Variants in SLIT3 observed in about 807,000 individuals in gnomAD.
SLIT3 encodes the protein slit homolog 3 protein.
Under a neutral mutation model 184.0 loss-of-function variants are expected in SLIT3, and 68 were observed. That is an observed-to-expected ratio of 0.37 (90% confidence interval 0.30 to 0.45). The LOEUF is 0.45. Among genes scored for constraint, SLIT3 ranks in the 20% least tolerant of loss-of-function variants. The pLI is 1.00. For missense variants in SLIT3, 1,707 were observed against 2,026.0 expected (o/e 0.84, Z 3.02); for synonymous variants, 831 against 828.6 (o/e 1.00, Z -0.05).
chr5:169,267,491 C>T (rs1052977179), intron 1 of SLIT3, among the ~76,000 whole-genome samples: 1 of 152,174 alleles, frequency 6.6e-6, no homozygotes, highest in African/African-American at 2.4e-5. Context: ...TCTTTATTGA[C>T]AGTTTTAACT....
At chr5:168,796,293 G>A (rs1454231897) in intron 9 of SLIT3, among the ~76,000 whole-genome samples, 2 of 152,216 alleles carry the variant, frequency 1.3e-5, no homozygotes, top group Admixed American at 6.5e-5. Flanking sequence ...TGCAGGCCCA[G>A]GGCCCAGAAC....
intron 2 of SLIT3, among the ~76,000 whole-genome samples, chr5:169,251,073 G>C (rs898003563): frequency 6.6e-6 from 1 of 152,196 alleles, no homozygotes; most frequent in Non-Finnish European, 1.5e-5. Flanking sequence ...CTCTATGAAA[G>C]GGAAGCATGG....
chr5:168,763,295 G>C (rs1017847678), intron 14 of SLIT3, among the ~76,000 whole-genome samples: 1 of 152,146 alleles, frequency 6.6e-6, no homozygotes, highest in African/African-American at 2.4e-5. Context: ...AAGACAACGA[G>C]GGTTGGGAAC....
At chr5:168,826,567 A>C (rs1175449257) in intron 6 of SLIT3, among the ~76,000 whole-genome samples, 1 of 152,208 alleles carries the variant, frequency 6.6e-6, no homozygotes, top group Non-Finnish European at 1.5e-5. Flanking sequence ...TGGCTCTGCC[A>C]CTTACAGCCT....
chr5:169,162,845 T>G lies in SLIT3; in HGVS notation c.413+30634A>C, dbSNP rs1434597392. Among the ~76,000 whole-genome samples the G allele has an allele frequency of 2.6e-5, 4 of 152,196 alleles. No homozygotes were observed. In the East Asian group the frequency reaches 7.7e-4, roughly 29 times the overall value. ...AGTTGCTAAATGGCCAGGGTCATCA[T>G]TAAGATCTGTCAGCCAGGTGATACA... On this transcript the variant is annotated intron_variant, in intron 4 of 35. Transcript: ENST00000519560.
chr5:169,228,035 A>C (rs1764871117), intron 3 of SLIT3, among the ~76,000 whole-genome samples: 1 of 152,208 alleles, frequency 6.6e-6, no homozygotes, highest in Admixed American at 6.5e-5. Context: ...GGAAGGCCTG[A>C]TGGCATGTTT....
At chr5:169,131,221 C>G (rs72832197) in intron 4 of SLIT3, among the ~76,000 whole-genome samples, 1,969 of 152,258 alleles carry the variant, frequency 0.013, 12 homozygotes, top group Non-Finnish European at 0.019. Flanking sequence ...GTAAAACATA[C>G]GAAAATCTGT....
rs113807141 is a variant in SLIT3 at position 169,286,973 on chromosome 5, G to A, written c.197+13540C>T. On this transcript the variant is annotated intron_variant, in intron 1 of 35. Coordinates refer to ENST00000519560, the MANE Select transcript of SLIT3 (RefSeq NM_003062.4). ...GCTCCAGTCAGGAAAGAACCCAGAG[G>A]AGACTTAGGTCTTTGCAAAATTTCT... Among the ~76,000 whole-genome samples, 173 of 152,342 alleles carry A rather than the reference G, an allele frequency of 1.1e-3. 2 individuals are homozygous for A. Among genetic ancestry groups the A allele is most frequent in the African/African-American group, 4.0e-3 (168 of 41,572 alleles).
In SLIT3 at chr5:168,798,220, C is replaced by CTTTTTT. The variant is rs575178855; in HGVS notation, c.936-2643_936-2642insAAAAAA. Among the ~76,000 whole-genome samples, 54 of 112,250 alleles carry CTTTTTT rather than the reference C, an allele frequency of 4.8e-4. 4 individuals are homozygous for CTTTTTT. The highest frequency in any genetic ancestry group is 1.2e-3 in the African/African-American group (29 of 24,094). 73.6% of individuals were successfully genotyped at this position (112,250 alleles called of 152,430 possible). A position where few individuals can be genotyped will look rare whatever the true frequency, so the allele number is the denominator to read the frequency against. On this transcript the variant is annotated intron_variant, in intron 9 of 35. Transcript: ENST00000519560. ...CTTTTGGTTTTCTTTTCTTCTTCTT[C>CTTTTTT]TTCTTTTTTTTTTTTTTTTAAGAGA... is the stretch of plus-strand genomic sequence containing the variant.
intron 4 of SLIT3, chr5:169,012,947 T>C (rs1053588417): frequency 3.9e-5 from 6 of 152,234 alleles, no homozygotes; most frequent in African/African-American, 1.2e-4. Flanking sequence ...AGCGCTACTA[T>C]CTGCTGTATG....
chr5:168,698,636 A>G (rs1334141974), intron 27 of SLIT3, among the ~76,000 whole-genome samples: 2 of 152,158 alleles, frequency 1.3e-5, no homozygotes, highest in African/African-American at 4.8e-5. Context: ...TTATTATGGC[A>G]GCCCTAAGGA....
At chr5:169,084,454 ATTTTTT>A (rs56062027) in intron 4 of SLIT3, among the ~76,000 whole-genome samples, 2 of 101,418 alleles carry the variant, frequency 2.0e-5, no homozygotes, top group Admixed American at 1.1e-4. Flanking sequence ...CCATGCCCAG[ATTTTTT>A]TTTTTTTTTT....
chr5:169,194,233 C>CAAAA (rs10571842), intron 3 of SLIT3, among the ~76,000 whole-genome samples: 289 of 61,364 alleles, frequency 4.7e-3, no homozygotes, highest in Middle Eastern at 0.018. Context: ...GACTCTGTCT[C>CAAAA]AAAAAAAAAA....
intron 4 of SLIT3, among the ~76,000 whole-genome samples, chr5:169,179,062 CAG>C (rs1374958278): frequency 6.6e-6 from 1 of 152,110 alleles, no homozygotes; most frequent in East Asian, 1.9e-4. Flanking sequence ...AACACCAAGC[CAG>C]AGTCTCAGAG....
chr5:168,939,900 T>G (rs944444047), intron 4 of SLIT3, among the ~76,000 whole-genome samples: 2 of 152,180 alleles, frequency 1.3e-5, no homozygotes, highest in African/African-American at 4.8e-5. Flanking sequence ...TTAATCCTAT[T>G]ATCCTATTTT....
intron 26 of SLIT3, among the ~76,000 whole-genome samples, chr5:168,701,100 T>G (rs1042382985): frequency 2.6e-5 from 4 of 152,218 alleles, no homozygotes; most frequent in Non-Finnish European, 5.9e-5. Flanking sequence ...CTCACAGGGT[T>G]GCTATGAGAA....
At chr5:169,020,355 G>A (rs1011433156) in intron 4 of SLIT3, among the ~76,000 whole-genome samples, 4 of 152,150 alleles carry the variant, frequency 2.6e-5, no homozygotes, top group Admixed American at 6.5e-5. Flanking sequence ...GGCTTGGTCC[G>A]TGAAACTTCC....
chr5:169,263,596 G>T (rs745537057), intron 1 of SLIT3: 4 of 481,092 alleles, frequency 8.3e-6, no homozygotes, highest in Non-Finnish European at 1.7e-5. Flanking sequence ...CCAGTTTGTG[G>T]TACATTGTTA....
intron 4 of SLIT3, chr5:169,037,841 G>A (rs1190456934): frequency 2.0e-5 from 3 of 152,258 alleles, no homozygotes; most frequent in African/African-American, 7.2e-5. Context: ...TGTGGCAAGT[G>A]TTACCGCAGC....
Sources: gnomAD v4.1 joint callset for allele counts (sites outside exome capture counted in the v4.1 genomes callset) on GRCh38, gnomAD v4.1.1 for gene constraint, MANE v1.5 for transcripts, NCBI Gene and HGNC (gene_info 2026-07-23, HGNC 2026-07-21) for gene names.